TPMT: variants seen among roughly 807,000 people sequenced by gnomAD.
The protein encoded by TPMT is thiopurine S-methyltransferase.
A neutral mutation model predicts 34.2 loss-of-function variants in TPMT; 18 were observed. The ratio of observed to expected loss-of-function variants is 0.53; its 90% CI spans 0.36 to 0.78. The LOEUF (loss-of-function observed/expected upper bound fraction) is 0.78, where lower values mean the gene tolerates loss of function less well. Among genes scored for constraint, TPMT ranks in the 30% least tolerant of loss-of-function variants. The pLI, the probability that TPMT is intolerant of heterozygous loss-of-function variation, is 0.00. For synonymous variants in TPMT, 69 were observed against 92.4 expected, an observed-to-expected ratio of 0.75 and a Z score of 1.45; for missense variants, 265 against 288.1, an observed-to-expected ratio of 0.92 and a Z score of 0.58.
intron 1 of TPMT, among the ~76,000 whole-genome samples, chr6:18,151,890 A>G (rs1784361109): frequency 6.6e-6 from 1 of 152,198 alleles, no homozygotes; most frequent in Non-Finnish European, 1.5e-5. Flanking sequence ...CGAGGGTCCC[A>G]GCATCCAGTT....
At chr6:18,133,412 C>G (rs1422649851) in intron 7 of TPMT, among the ~76,000 whole-genome samples, 1 of 152,214 alleles carries the variant, frequency 6.6e-6, no homozygotes, top group Non-Finnish European at 1.5e-5. Flanking sequence ...CTTCTCACCC[C>G]GTGCTTGTGT....
chr6:18,138,039 C>T lies in TPMT; in HGVS notation c.494+924G>A, dbSNP rs1663812485. 6.6e-6 allele frequency among the ~76,000 whole-genome samples: 1 copy of T among 152,054 alleles called. No homozygotes were observed. Among genetic ancestry groups the T allele is most frequent in the Non-Finnish European group, 1.5e-5 (1 of 68,006 alleles). ...AGGCGATCCGCCCACCTTGGCCTCC[C>T]AAAGTGCTAGGATTACAGGCGTGAG... On this transcript the variant is annotated intron_variant, in intron 6 of 8. Coordinates refer to ENST00000309983, the MANE Select transcript of TPMT (RefSeq NM_000367.5). The surrounding 1 kb of genome is among the most constrained non-coding windows in gnomAD (Gnocchi z 4.1).
chr6:18,130,600 C>T lies in TPMT; in HGVS notation c.*68G>A. 9.5e-7 allele frequency: 1 copy of T among 1,053,898 alleles called. No individual in the cohort carries two copies. The highest frequency in any genetic ancestry group is 1.5e-6 in the Non-Finnish European group (1 of 681,662). 65.3% of individuals were successfully genotyped at this position (1,053,898 alleles called of 1,614,324 possible). On this transcript the variant is annotated 3_prime_UTR_variant, in exon 9 of 9. Coordinates refer to ENST00000309983, the MANE Select transcript of TPMT (RefSeq NM_000367.5). The surrounding 1 kb of genome is among the most constrained non-coding windows in gnomAD (Gnocchi z 4.2). ...TTTAAAAATTCATCCATTACATTTT[C>T]AGGCTTTAGCATAATTTTCAATTCC...
At chr6:18,137,280 G>A (rs1232762129) in intron 6 of TPMT, among the ~76,000 whole-genome samples, 4 of 152,116 alleles carry the variant, frequency 2.6e-5, no homozygotes, top group African/African-American at 9.7e-5. Flanking sequence ...TGGGGCTACA[G>A]GTGTGCGCCA....
intron 1 of TPMT, among the ~76,000 whole-genome samples, chr6:18,151,789 T>A (rs1054329516): frequency 6.6e-6 from 1 of 152,056 alleles, no homozygotes; most frequent in Non-Finnish European, 1.5e-5. Context: ...GTAGTCAGAC[T>A]TTCCATAGAT....
In TPMT at chr6:18,154,698, AG is replaced by A. The variant is rs373709655; in HGVS notation, c.-45+334del. On this transcript the variant is annotated intron_variant, in intron 1 of 8. Coordinates refer to ENST00000309983, the MANE Select transcript of TPMT (RefSeq NM_000367.5). This position sits in a 1 kb window ranked among gnomAD's most constrained non-coding sequence, Gnocchi z 4.2. Reference sequence around the variant, plus strand: ...TGGGGCGGGAAGATCACTTGAGCCCAGGAGTTCCAGGTTACAGTGAGCTATG... The same window carrying A: ...TGGGGCGGGAAGATCACTTGAGCCCAGAGTTCCAGGTTACAGTGAGCTATG... 1.2e-3 allele frequency among the ~76,000 whole-genome samples: 184 copies of A among 152,276 alleles called. 1 individual carries two copies. Among genetic ancestry groups the A allele is most frequent in the African/African-American group, 4.0e-3 (165 of 41,538 alleles).
Position 18,139,636 on chromosome 6 carries a change from T to G in TPMT, c.419+29A>C, listed in dbSNP as rs1784106006. The stretch of plus-strand genomic sequence containing the variant: ...ACTGCCTGGCAAGCATTCAAATTTT[T>G]TAAAGTGCAGATGTAGTATTCAACC... On this transcript the variant is annotated intron_variant, in intron 5 of 8. Transcript: ENST00000309983. This position sits in a 1 kb window ranked among gnomAD's most constrained non-coding sequence, Gnocchi z 4.2. 2 of 1,598,180 alleles carry G rather than the reference T, an allele frequency of 1.3e-6. No homozygotes were observed. Among genetic ancestry groups the G allele is most frequent in the Non-Finnish European group, 1.7e-6 (2 of 1,165,842 alleles).
In TPMT at chr6:18,140,183, A is replaced by AT. The variant is rs1262240704; in HGVS notation, c.367-467dup. ...TGAGCATTTATTTGCTGAGTACCTA[A>AT]TAGACAAGACATCTATCCTGGGTTC... On this transcript the variant is annotated intron_variant, in intron 4 of 8. Coordinates refer to ENST00000309983, the MANE Select transcript of TPMT (RefSeq NM_000367.5). This position sits in a 1 kb window ranked among gnomAD's most constrained non-coding sequence, Gnocchi z 4.7. Among the ~76,000 whole-genome samples, 1 of 152,202 alleles carries AT rather than the reference A, an allele frequency of 6.6e-6. No homozygotes were observed. Among genetic ancestry groups the AT allele is most frequent in the Non-Finnish European group, 1.5e-5 (1 of 68,034 alleles).
In TPMT at chr6:18,146,124, ATAACTTCT is replaced by A. The variant is rs1784242466; in HGVS notation, c.233+1691_233+1698del. ...CATAAATGAAAAATCATCTACTATC[ATAACTTCT>A]TAACTTCTTACATGTAATTACAGTA... On this transcript the variant is annotated intron_variant, in intron 3 of 8. Transcript: ENST00000309983. This position sits in a 1 kb window ranked among gnomAD's most constrained non-coding sequence, Gnocchi z 6.2. 6.6e-6 allele frequency among the ~76,000 whole-genome samples: 1 copy of A among 152,188 alleles called. No individual in the cohort carries two copies. Among genetic ancestry groups the A allele is most frequent in the African/African-American group, 2.4e-5 (1 of 41,436 alleles).
rs72839181 is a variant in TPMT, at chr6:18,135,600, G to A, written c.495-1711C>T. ...AAAATACTAACATAAGGCTGGGCAC[G>A]GTGACTTACATCTGTAATCCCAGCA... On this transcript the variant is annotated intron_variant, in intron 6 of 8. Coordinates refer to ENST00000309983, the MANE Select transcript of TPMT (RefSeq NM_000367.5). The surrounding 1 kb of genome is among the most constrained non-coding windows in gnomAD (Gnocchi z 5.0). 6.6e-6 allele frequency among the ~76,000 whole-genome samples: 1 copy of A among 152,066 alleles called. No individual in the cohort carries two copies. Among genetic ancestry groups the A allele is most frequent in the South Asian group, 2.1e-4 (1 of 4,828 alleles).
rs762947310 is a variant in TPMT at position 18,139,038 on chromosome 6, C to T, written c.420-1G>A. The stretch of plus-strand genomic sequence containing the variant: ...CATGTCAAATTTGCCAATATTTGTC[C>T]TACCAGAAAGAGAAAAAACATTTTA... On this transcript the variant is annotated splice_acceptor_variant, in intron 5 of 8. Transcript: ENST00000309983. LOFTEE classifies it high-confidence loss of function. The surrounding 1 kb of genome is among the most constrained non-coding windows in gnomAD (Gnocchi z 4.2). 15 of 1,613,388 alleles carry T rather than the reference C, an allele frequency of 9.3e-6. No individual in the cohort carries two copies. In the South Asian group the frequency reaches 1.6e-4, roughly 18 times the overall value.
intron 6 of TPMT, among the ~76,000 whole-genome samples, chr6:18,137,008 C>T (rs1433032099): frequency 6.6e-6 from 1 of 151,886 alleles, no homozygotes; most frequent in African/African-American, 2.4e-5. Flanking sequence ...GAAACAGGAG[C>T]ATGAAAATTA....
intron 7 of TPMT, among the ~76,000 whole-genome samples, chr6:18,133,017 C>T (rs1283861273): frequency 1.3e-5 from 2 of 152,030 alleles, no homozygotes; most frequent in African/African-American, 2.4e-5. Context: ...CACTTGAACC[C>T]GGAAGGCGGA....
chr6:18,131,968 G>C lies in TPMT; in HGVS notation c.625+165C>G, dbSNP rs1783953728. 6.6e-6 allele frequency among the ~76,000 whole-genome samples: 1 copy of C among 152,168 alleles called. No homozygotes were observed. Among genetic ancestry groups the C allele is most frequent in the African/African-American group, 2.4e-5 (1 of 41,454 alleles). On this transcript the variant is annotated intron_variant, in intron 8 of 8. Transcript: ENST00000309983. The surrounding 1 kb of genome is among the most constrained non-coding windows in gnomAD (Gnocchi z 4.3). ...AATTTTTGTATTTTTGTAGAGACAG[G>C]GTTTCGCCATGTTGGCCAGGCTGGT... is the stretch of plus-strand genomic sequence containing the variant.
At position 18,135,649 on chromosome 6, in the gene TPMT, A is replaced by G. The variant is rs1582038744; in HGVS notation, c.495-1760T>C. Among the ~76,000 whole-genome samples, 1 of 152,248 alleles carries G rather than the reference A, an allele frequency of 6.6e-6. No individual in the cohort carries two copies. The highest frequency in any genetic ancestry group is 2.1e-4 in the South Asian group (1 of 4,826). ...CACTTTGGGAGGCCGAGGTGGGCAGATCACCTGAGGTCGGGAGTTCGAGAC... is the reference window on the plus strand; with the variant it reads ...CACTTTGGGAGGCCGAGGTGGGCAGGTCACCTGAGGTCGGGAGTTCGAGAC... On this transcript the variant is annotated intron_variant, in intron 6 of 8. Transcript: ENST00000309983. The surrounding 1 kb of genome is among the most constrained non-coding windows in gnomAD (Gnocchi z 5.0).
rs759768009 is a variant in TPMT at position 18,144,981 on chromosome 6, A to G, written c.234-1253T>C. On this transcript the variant is annotated intron_variant, in intron 3 of 8. Coordinates refer to ENST00000309983, the MANE Select transcript of TPMT (RefSeq NM_000367.5). The stretch of plus-strand genomic sequence containing the variant: ...AATGATCTGCCTGCCTCAGCCTCCC[A>G]AAGTGCTGGGATTACAGTCCTGGTA... Among the ~76,000 whole-genome samples, 5 of 152,312 alleles carry G rather than the reference A, an allele frequency of 3.3e-5. No homozygotes were observed. In the East Asian group the frequency reaches 5.8e-4, roughly 18 times the overall value.
chr6:18,147,794 T>TA, intron 3 of TPMT, 29 bp downstream of exon 3: 1 of 1,586,020 alleles, frequency 6.3e-7, no homozygotes, highest in Non-Finnish European at 8.7e-7. Flanking sequence ...TAAGGCAAGA[T>TA]AATTCTGTTA....
chr6:18,141,875 G>C (rs372962309), intron 4 of TPMT, among the ~76,000 whole-genome samples: 115 of 152,268 alleles, frequency 7.6e-4, no homozygotes, highest in African/African-American at 2.5e-3. Flanking sequence ...TGCAGACATA[G>C]ATGCCGGCAG....
rs1474060016 is a variant in TPMT, at chr6:18,143,648, A to C, written c.314T>G (p.Leu105Arg). Residue 105 changes from leucine to arginine, a missense_variant, in exon 4 of 9, where the codon CTT (leucine) becomes CGT (arginine). By Grantham distance (102) the Leu-to-Arg change is moderately radical (BLOSUM62 -2). Transcript: ENST00000309983. The surrounding 1 kb of genome is among the most constrained non-coding windows in gnomAD (Gnocchi z 6.1). ...GGTGATTGGTTCTTCTGAGTAAGAA[A>C]GATTCTGCTCTGTAAAAAATTCTTG... ...GIQEFFTEQN[L>R]SYSEEPITEI... 11 of 1,613,740 alleles carry C rather than the reference A, an allele frequency of 6.8e-6. No individual in the cohort carries two copies. Among genetic ancestry groups the C allele is most frequent in the Non-Finnish European group, 9.3e-6 (11 of 1,180,018 alleles).
Sources: gnomAD v4.1 joint callset for allele counts (sites outside exome capture counted in the v4.1 genomes callset) on GRCh38, gnomAD v4.1.1 for gene constraint, Gnocchi (gnomAD v3.1) non-coding constraint, MANE v1.5 for transcripts, NCBI Gene and HGNC (gene_info 2026-07-23, HGNC 2026-07-21) for gene names.